The following CD47 variants were observed in gnomAD, a reference collection of about 807,000 sequenced individuals.
The protein encoded by CD47 is leukocyte surface antigen CD47.
A neutral mutation model predicts 44.6 loss-of-function variants in CD47; 11 were observed. The ratio of observed to expected loss-of-function variants is 0.25; its 90% confidence interval spans 0.16 to 0.41. The LOEUF is 0.41. CD47 is among the 10% of genes least tolerant of loss of function. The pLI is 1.00. For synonymous variants in CD47, 140 were observed against 136.3 expected, an observed-to-expected ratio of 1.03 and a Z score of -0.19; for missense variants, 306 against 386.7, an observed-to-expected ratio of 0.79 and a Z score of 1.75.
At chr3:108,055,650 T>C (rs1234289379) in intron 7 of CD47, 1 of 710,268 alleles carries the variant, frequency 1.4e-6, no homozygotes, top group African/African-American at 1.8e-5. Context: ...TTGCACTAAA[T>C]TTTAAACATA....
At chr3:108,063,972 A>C (rs981855485) in intron 3 of CD47, among the ~76,000 whole-genome samples, 1 of 152,180 alleles carries the variant, frequency 6.6e-6, no homozygotes, top group Non-Finnish European at 1.5e-5. Flanking sequence ...GTATTCTAAA[A>C]TTTTCTTTTA....
At chr3:108,050,549 A>T in intron 9 of CD47, 29 bp downstream of exon 9, 1 of 1,117,614 alleles carries the variant, frequency 8.9e-7, no homozygotes, top group Non-Finnish European at 1.3e-6. Flanking sequence ...ATGATCTGGT[A>T]AAGGATTAAG....
intron 3 of CD47, among the ~76,000 whole-genome samples, chr3:108,069,320 G>T (rs2079155330): frequency 6.6e-6 from 1 of 151,990 alleles, no homozygotes; most frequent in Admixed American, 6.6e-5. Flanking sequence ...AACACAGGCA[G>T]CTATAACAAG....
intron 2 of CD47, among the ~76,000 whole-genome samples, chr3:108,071,867 C>T (rs988241236): frequency 1.3e-5 from 2 of 152,004 alleles, no homozygotes; most frequent in Admixed American, 1.3e-4. Context: ...GAGATGTGCC[C>T]GGTTGGTCTT....
intron 2 of CD47, among the ~76,000 whole-genome samples, chr3:108,071,488 C>A (rs1577005975): frequency 6.6e-6 from 1 of 152,166 alleles, no homozygotes; most frequent in African/African-American, 2.4e-5. Context: ...GGCCACACTG[C>A]CAGGGTTTGA....
chr3:108,079,231 A>G (rs2079367362), intron 2 of CD47, among the ~76,000 whole-genome samples: 1 of 151,980 alleles, frequency 6.6e-6, no homozygotes, highest in African/African-American at 2.4e-5. Context: ...ACATACTCAT[A>G]TGGGGTTGAA....
At position 108,044,415 on chromosome 3, in the gene CD47, CAAAAAAAAAAAAAAAAAAAAAA is replaced by C. The variant is rs55777019; in HGVS notation, c.*2851_*2872del. On this transcript the variant is annotated 3_prime_UTR_variant, in exon 11 of 11. Coordinates refer to ENST00000361309, the MANE Select transcript of CD47 (RefSeq NM_001777.4). ...GGTTTTTAGAGCATGTGAAATTAGT[CAAAAAAAAAAAAAAAAAAAAAA>C]AAAAAAAAAACAAAAAAAAAAAACA... 3 of 34,126 alleles carry C rather than the reference CAAAAAAAAAAAAAAAAAAAAAA, an allele frequency of 8.8e-5. No homozygotes were observed. Among genetic ancestry groups the C allele is most frequent in the South Asian group, 2.2e-3 (2 of 910 alleles). 2.1% of individuals were successfully genotyped at this position (34,126 alleles called of 1,614,324 possible).
At chr3:108,059,728 GT>G (rs1025548252) in intron 4 of CD47, among the ~76,000 whole-genome samples, 184 bp from the exon 5 acceptor site, 39 of 152,154 alleles carry the variant, frequency 2.6e-4, no homozygotes, top group African/African-American at 8.4e-4. Flanking sequence ...CAACATTTAA[GT>G]TTCAACATGC....
chr3:108,087,157 G>C (rs1174369198), intron 1 of CD47, among the ~76,000 whole-genome samples: 1 of 152,154 alleles, frequency 6.6e-6, no homozygotes, highest in Non-Finnish European at 1.5e-5. Context: ...ACACATGCCA[G>C]AAAGCAATCC....
intron 1 of CD47, among the ~76,000 whole-genome samples, chr3:108,090,166 A>G (rs1247039954): frequency 1.3e-5 from 2 of 152,110 alleles, no homozygotes; most frequent in African/African-American, 4.8e-5. Flanking sequence ...CGTACAATTT[A>G]GAATGTATGC....
chr3:108,050,643 TATGTC>T, intron 8 of CD47, 41 bp from the exon 9 acceptor site: 2 of 716,536 alleles, frequency 2.8e-6, no homozygotes, highest in Non-Finnish European at 4.6e-6. Context: ...AAATATAATT[TATGTC>T]ATGTCATTTT....
intron 8 of CD47, among the ~76,000 whole-genome samples, chr3:108,051,348 C>T (rs891746569): frequency 6.6e-6 from 1 of 152,056 alleles, no homozygotes; most frequent in Non-Finnish European, 1.5e-5. Flanking sequence ...TCATTTATGC[C>T]CTCCTAAAAT....
At chr3:108,055,913 T>C (rs2078905899) in intron 7 of CD47, among the ~76,000 whole-genome samples, 1 of 152,152 alleles carries the variant, frequency 6.6e-6, no homozygotes, top group African/African-American at 2.4e-5. Context: ...GCAACTGTAC[T>C]GAAGATCATT....
At chr3:108,073,947 A>G (rs2079257582) in intron 2 of CD47, among the ~76,000 whole-genome samples, 2 of 152,340 alleles carry the variant, frequency 1.3e-5, no homozygotes, top group South Asian at 4.1e-4. Flanking sequence ...GGATCCCGAA[A>G]CCATGAGCAA....
At chr3:108,077,720 A>AT (rs957665310) in intron 2 of CD47, among the ~76,000 whole-genome samples, 2 of 152,128 alleles carry the variant, frequency 1.3e-5, no homozygotes, top group Admixed American at 6.6e-5. Context: ...GCAAAAAAAA[A>AT]AGTAAGGAAA....
At chr3:108,066,251 GA>G (rs960117768) in intron 3 of CD47, among the ~76,000 whole-genome samples, 138 of 145,874 alleles carry the variant, frequency 9.5e-4, no homozygotes, top group African/African-American at 1.4e-3. Context: ...GGGGAAAGTT[GA>G]AAAAAAAAAA....
chr3:108,049,373 G>A (rs1414896881), intron 10 of CD47, among the ~76,000 whole-genome samples: 1 of 152,148 alleles, frequency 6.6e-6, no homozygotes, highest in Non-Finnish European at 1.5e-5. Flanking sequence ...TACAAAAAGT[G>A]GTAATTTCTC....
rs1341677054 is a variant in CD47, at chr3:108,045,288, T to G, written c.*2000A>C. On this transcript the variant is annotated 3_prime_UTR_variant, in exon 11 of 11. Transcript: ENST00000361309. ...AAAAATTTTACTATAAAGATTTTCATACCTTTTCTAATAGGAGCTTGGATC... is the reference window on the plus strand; with the variant it reads ...AAAAATTTTACTATAAAGATTTTCAGACCTTTTCTAATAGGAGCTTGGATC... 1 of 152,792 alleles carries G rather than the reference T, an allele frequency of 6.5e-6. No individual in the cohort carries two copies. Among genetic ancestry groups the G allele is most frequent in the East Asian group, 1.9e-4 (1 of 5,190 alleles). 9.5% of individuals were successfully genotyped at this position (152,792 alleles called of 1,614,324 possible).
chr3:108,048,135 T>C (rs1287946776), intron 10 of CD47, among the ~76,000 whole-genome samples: 2 of 151,988 alleles, frequency 1.3e-5, no homozygotes, highest in Admixed American at 1.3e-4. Context: ...AACCATGCCA[T>C]GCCACAGTTA....
Sources: allele counts gnomAD v4.1 joint callset (sites outside exome capture counted in the v4.1 genomes callset), GRCh38; gene constraint gnomAD v4.1.1; transcripts MANE v1.5; gene names NCBI Gene and HGNC (gene_info 2026-07-23, HGNC 2026-07-21).